ST3GAL1: variants seen among roughly 807,000 people sequenced by gnomAD.
ST3GAL1 encodes ST3 beta-galactoside alpha-2,3-sialyltransferase 1, also known as CMP-N-acetylneuraminate-beta-galactosamide-alpha-2,3-sialyltransferase 1.
In ST3GAL1, 16 loss-of-function variants were observed where a neutral mutation model predicts 34.1. The observed-to-expected ratio is 0.47, with a 90% CI of 0.32 to 0.71. The LOEUF is 0.71. ST3GAL1 is among the 30% of genes least tolerant of loss of function. ST3GAL1 has a pLI of 0.04. For missense variants in ST3GAL1, 353 were observed against 447.4 expected (o/e 0.79, Z 1.90); for synonymous variants, 191 against 184.7 (o/e 1.03, Z -0.28).
Position 133,466,075 on chromosome 8 carries a change from T to G in ST3GAL1, c.322A>C (p.Lys108Gln). The change falls in exon 6 of 10, where the codon AAG becomes CAG. Residue 108 changes from lysine to glutamine, a missense_variant. Lys to Gln is a moderately conservative substitution (Grantham distance 53). Coordinates refer to ENST00000522652, the MANE Select transcript of ST3GAL1 (RefSeq NM_173344.3). This position sits in a 1 kb window ranked among gnomAD's most constrained non-coding sequence, Gnocchi z 4.4. The stretch of plus-strand genomic sequence containing the variant: ...GTGTCATTCAAGTTATTGGGCTTCT[T>G]CTCCCGCTGGAGCCTCTGTGGGCGG... ...YRWWLRLQRE[K>Q]KPNNLNDTIK... is the part of the protein sequence containing the mutation. The G allele has an allele frequency of 6.2e-7, 1 of 1,612,914 alleles. No individual in the cohort carries two copies. Among genetic ancestry groups the G allele is most frequent in the Non-Finnish European group, 8.5e-7 (1 of 1,179,166 alleles).
intron 6 of ST3GAL1, 187 bp downstream of exon 6, chr8:133,465,707 A>G (rs796409479): frequency 1.8e-4 from 105 of 588,768 alleles, no homozygotes; most frequent in African/African-American, 1.7e-3. Context: ...GTCCATTCCA[A>G]TCCTGCAATG....
chr8:133,493,361 C>T (rs147730758), intron 3 of ST3GAL1, among the ~76,000 whole-genome samples: 36 of 152,288 alleles, frequency 2.4e-4, no homozygotes, highest in Middle Eastern at 6.8e-3. Context: ...CTAGGGACGG[C>T]GATGGCAGAA....
intron 2 of ST3GAL1, among the ~76,000 whole-genome samples, chr8:133,532,726 TGAG>T (rs1247639216): frequency 6.6e-6 from 1 of 152,322 alleles, no homozygotes; most frequent in East Asian, 1.9e-4. Flanking sequence ...AGTGGTGTTC[TGAG>T]GAGGACACGT....
Position 133,486,546 on chromosome 8 carries a change from A to G in ST3GAL1, c.-373-9946T>C, listed in dbSNP as rs954537971. Among the ~76,000 whole-genome samples, 3 of 152,206 alleles carry G rather than the reference A, an allele frequency of 2.0e-5. No individual in the cohort carries two copies. The East Asian group carries it at 5.8e-4, about 29-fold the overall frequency. On this transcript the variant is annotated intron_variant, in intron 3 of 9. Transcript: ENST00000522652. ...GAGCCAGACCCGTTTCCCTCCAGAA[A>G]ACATCATCCAAGAGAAACAGGGCCA...
At chr8:133,568,359 A>G (rs1271972706) in intron 1 of ST3GAL1, among the ~76,000 whole-genome samples, 1 of 152,178 alleles carries the variant, frequency 6.6e-6, no homozygotes, top group African/African-American at 2.4e-5. Flanking sequence ...CTGTGACCAA[A>G]TTAGAGCAGA....
At chr8:133,507,244 A>T (rs1817370725) in intron 2 of ST3GAL1, among the ~76,000 whole-genome samples, 1 of 152,230 alleles carries the variant, frequency 6.6e-6, no homozygotes, top group Non-Finnish European at 1.5e-5. Flanking sequence ...ACCACTCATC[A>T]GTAGAGGAAA....
At chr8:133,504,817 G>T (rs1817286182) in intron 2 of ST3GAL1, among the ~76,000 whole-genome samples, 1 of 152,170 alleles carries the variant, frequency 6.6e-6, no homozygotes, top group Non-Finnish European at 1.5e-5. Flanking sequence ...GAAGAGAAAA[G>T]GAATTCTAGT....
At chr8:133,524,855 G>T (rs183669891) in intron 2 of ST3GAL1, among the ~76,000 whole-genome samples, 1 of 152,244 alleles carries the variant, frequency 6.6e-6, no homozygotes, top group African/African-American at 2.4e-5. Flanking sequence ...AGGAGAACAC[G>T]GTGGCACCCG....
At position 133,466,448 on chromosome 8, in the gene ST3GAL1, C is replaced by T. The variant is rs1815736761; in HGVS notation, c.307-358G>A. Among the ~76,000 whole-genome samples the T allele has an allele frequency of 6.6e-6, 1 of 152,170 alleles. No homozygotes were observed. Among genetic ancestry groups the T allele is most frequent in the Admixed American group, 6.5e-5 (1 of 15,284 alleles). ...TCTCCAACCTGCTCCTCCCTGGGGGCTCCTGTCTCTCTGAAAGGCCCTCCA... is the reference window on the plus strand; with the variant it reads ...TCTCCAACCTGCTCCTCCCTGGGGGTTCCTGTCTCTCTGAAAGGCCCTCCA... On this transcript the variant is annotated intron_variant, in intron 5 of 9. Transcript: ENST00000522652. This position sits in a 1 kb window ranked among gnomAD's most constrained non-coding sequence, Gnocchi z 4.4.
intron 1 of ST3GAL1, among the ~76,000 whole-genome samples, chr8:133,563,496 C>G (rs2131113078): frequency 6.6e-6 from 1 of 152,276 alleles, no homozygotes; most frequent in Non-Finnish European, 1.5e-5. Flanking sequence ...TGGAGTTACC[C>G]ACGCTAAAGT....
At chr8:133,509,729 C>A (rs1206706598) in intron 2 of ST3GAL1, among the ~76,000 whole-genome samples, 1 of 152,164 alleles carries the variant, frequency 6.6e-6, no homozygotes, top group Non-Finnish European at 1.5e-5. Flanking sequence ...CTGATCATGT[C>A]CCTCTGGAGG....
chr8:133,559,527 T>A (rs1819156430), intron 1 of ST3GAL1, among the ~76,000 whole-genome samples: 1 of 152,222 alleles, frequency 6.6e-6, no homozygotes, highest in Non-Finnish European at 1.5e-5. Context: ...AAGATTATGT[T>A]TTAGAAACAA....
chr8:133,520,402 A>G (rs1817768613), intron 2 of ST3GAL1, among the ~76,000 whole-genome samples: 1 of 152,186 alleles, frequency 6.6e-6, no homozygotes, highest in Admixed American at 6.5e-5. Context: ...TGCCTTCAAA[A>G]TGCTCCTAGT....
chr8:133,557,725 G>A (rs1487064010), intron 1 of ST3GAL1, among the ~76,000 whole-genome samples: 1 of 152,170 alleles, frequency 6.6e-6, no homozygotes, highest in African/African-American at 2.4e-5. Flanking sequence ...GCGCGTGCCT[G>A]TAATCCCAGC....
chr8:133,540,726 GACATATATATATAT>G (rs1818442210), intron 2 of ST3GAL1, among the ~76,000 whole-genome samples: 2 of 86,778 alleles, frequency 2.3e-5, no homozygotes, highest in African/African-American at 1.5e-4. Context: ...TATATATATA[GACATATATATATAT>G]ATAGACATAT....
chr8:133,466,134 C>G lies in ST3GAL1; in HGVS notation c.307-44G>C. 1 of 1,570,096 alleles carries G rather than the reference C, an allele frequency of 6.4e-7. No homozygotes were observed. Among genetic ancestry groups the G allele is most frequent in the Non-Finnish European group, 8.7e-7 (1 of 1,153,126 alleles). On this transcript the variant is annotated intron_variant, in intron 5 of 9. Transcript: ENST00000522652. This position sits in a 1 kb window ranked among gnomAD's most constrained non-coding sequence, Gnocchi z 4.4. ...AGGTGGTCAACCTGGCTTTGTGGCT[C>G]CAGCCTCCTGGCAGCAGAGCCCCTG...
intron 3 of ST3GAL1, among the ~76,000 whole-genome samples, chr8:133,480,705 A>T (rs1816348026): frequency 6.6e-6 from 1 of 152,174 alleles, no homozygotes; most frequent in African/African-American, 2.4e-5. Flanking sequence ...ATGGTAGCAA[A>T]GGCAGACTCC....
intron 2 of ST3GAL1, among the ~76,000 whole-genome samples, chr8:133,520,902 G>A (rs1255401437): frequency 6.6e-6 from 1 of 150,900 alleles, no homozygotes; most frequent in Non-Finnish European, 1.5e-5. Context: ...CTCCTGAGTA[G>A]CTGGGATTAC....
chr8:133,476,289 A>C lies in ST3GAL1; in HGVS notation c.-62T>G. The C allele has an allele frequency of 2.6e-6, 1 of 389,120 alleles. No individual in the cohort carries two copies. Among genetic ancestry groups the C allele is most frequent in the Non-Finnish European group, 4.6e-6 (1 of 217,496 alleles). The allele number at this position is 389,120 out of a possible 1,614,324, so 24.1% of individuals were successfully genotyped here. The stretch of plus-strand genomic sequence containing the variant: ...TTGCATATATTTACCTTTTCAGAAA[A>C]TAAAGTAGCCTATTCTTCTGCAATC... On this transcript the variant is annotated 5_prime_UTR_variant, in exon 4 of 10. Transcript: ENST00000522652.
Sources: allele counts gnomAD v4.1 joint callset (sites outside exome capture counted in the v4.1 genomes callset), GRCh38; gene constraint gnomAD v4.1.1; non-coding constraint Gnocchi (gnomAD v3.1); transcripts MANE v1.5; gene names NCBI Gene and HGNC (gene_info 2026-07-23, HGNC 2026-07-21).